The following FHIT variants were observed in gnomAD, a reference collection of about 807,000 sequenced individuals.
The protein encoded by FHIT is bis(5'-adenosyl)-triphosphatase.
Under a neutral mutation model 17.9 loss-of-function variants are expected in FHIT, and 19 were observed. The observed-to-expected ratio is 1.06, with a 90% CI of 0.74 to 1.56. The LOEUF is 1.56. FHIT is among the 40% of genes most tolerant of loss of function. The pLI, the probability that FHIT is intolerant of heterozygous loss-of-function variation, is 0.00. For synonymous variants in FHIT, 81 were observed against 69.7 expected, an observed-to-expected ratio of 1.16 and a Z score of -0.81; for missense variants, 248 against 189.2, an observed-to-expected ratio of 1.31 and a Z score of -1.82.
chr3:61,147,329 A>T (rs1169643731), intron 2 of FHIT, among the ~76,000 whole-genome samples: 1 of 152,056 alleles, frequency 6.6e-6, no homozygotes, highest in African/African-American at 2.4e-5. Context: ...TACATTAGGC[A>T]ACTCACACTG....
At chr3:61,067,050 C>T (rs987774588) in intron 2 of FHIT, among the ~76,000 whole-genome samples, 8 of 152,112 alleles carry the variant, frequency 5.3e-5, no homozygotes, top group Non-Finnish European at 8.8e-5. Context: ...TTGAGTAAGG[C>T]CTAAACCAGA....
At chr3:59,997,566 C>A (rs1289065584) in intron 7 of FHIT, among the ~76,000 whole-genome samples, 1 of 152,104 alleles carries the variant, frequency 6.6e-6, no homozygotes, top group Non-Finnish European at 1.5e-5. Context: ...TGGGTTAGTA[C>A]AAGATGATTG....
rs566423096 is a variant in FHIT at position 60,267,888 on chromosome 3, A to C, written c.104-253736T>G. Among the ~76,000 whole-genome samples the C allele has an allele frequency of 2.6e-5, 4 of 152,308 alleles. No individual in the cohort carries two copies. The South Asian group carries it at 6.2e-4, about 24-fold the overall frequency. On this transcript the variant is annotated intron_variant, in intron 5 of 9. Coordinates refer to ENST00000492590, the MANE Select transcript of FHIT (RefSeq NM_002012.4). ...AAAACTTGGACTTGATAGTCTAAGAAGCTATTATGTGCACACATATTTGAA... is the reference window on the plus strand; with the variant it reads ...AAAACTTGGACTTGATAGTCTAAGACGCTATTATGTGCACACATATTTGAA...
chr3:60,003,471 G>A (rs1189483356), intron 7 of FHIT, among the ~76,000 whole-genome samples: 1 of 152,178 alleles, frequency 6.6e-6, no homozygotes, highest in African/African-American at 2.4e-5. Flanking sequence ...AGGATGTGGT[G>A]TAGTCTAAAA....
chr3:60,494,027 A>G (rs1369253939), intron 5 of FHIT, among the ~76,000 whole-genome samples: 1 of 152,214 alleles, frequency 6.6e-6, no homozygotes, highest in African/African-American at 2.4e-5. Flanking sequence ...AATAAATGAC[A>G]TATACTCAAA....
intron 4 of FHIT, among the ~76,000 whole-genome samples, chr3:60,599,881 T>C (rs1223251174): frequency 6.6e-6 from 1 of 152,084 alleles, no homozygotes; most frequent in Admixed American, 6.6e-5. Flanking sequence ...TTAGACCACA[T>C]AATTCTTTGC....
At chr3:60,927,953 T>G (rs1553770500) in intron 3 of FHIT, among the ~76,000 whole-genome samples, 1 of 152,202 alleles carries the variant, frequency 6.6e-6, no homozygotes, top group Admixed American at 6.5e-5. Flanking sequence ...CTCCATTTCG[T>G]TTTGTACTAA....
At chr3:60,733,675 T>C (rs2042078660) in intron 4 of FHIT, among the ~76,000 whole-genome samples, 1 of 152,220 alleles carries the variant, frequency 6.6e-6, no homozygotes, top group Non-Finnish European at 1.5e-5. Context: ...CAAACTGTTT[T>C]ACTCTTTTAG....
chr3:59,837,342 C>T (rs1408327828), intron 8 of FHIT, among the ~76,000 whole-genome samples: 6 of 152,094 alleles, frequency 3.9e-5, no homozygotes, highest in East Asian at 1.9e-4. Flanking sequence ...CTTCACATAT[C>T]GTTCAAATCA....
At chr3:60,872,584 A>G (rs1406340067) in intron 3 of FHIT, among the ~76,000 whole-genome samples, 3 of 152,146 alleles carry the variant, frequency 2.0e-5, no homozygotes, top group Non-Finnish European at 2.9e-5. Context: ...TGAACAGAAA[A>G]TTATGCCTCA....
chr3:61,228,219 CTCT>C (rs1327676490), intron 1 of FHIT, among the ~76,000 whole-genome samples: 3 of 151,994 alleles, frequency 2.0e-5, no homozygotes, highest in Non-Finnish European at 4.4e-5. Context: ...TTTTCTGACC[CTCT>C]TCTTTTTCTT....
rs1213346405 is a variant in FHIT, at chr3:60,022,754, G to C, written c.104-8602C>G. Among the ~76,000 whole-genome samples the C allele has an allele frequency of 3.9e-5, 6 of 152,244 alleles. No individual in the cohort carries two copies. In the East Asian group the frequency reaches 9.7e-4, roughly 24 times the overall value. On this transcript the variant is annotated intron_variant, in intron 5 of 9. Transcript: ENST00000492590. ...AATTTATTAGTTTTGGCTGCCACCA[G>C]GGAGGAAAAAAATATTAGCGTGTAT... is the stretch of plus-strand genomic sequence containing the variant.
At chr3:60,055,961 G>A (rs3843360) in intron 5 of FHIT, among the ~76,000 whole-genome samples, 1 of 151,948 alleles carries the variant, frequency 6.6e-6, no homozygotes, top group Non-Finnish European at 1.5e-5. Context: ...GTCCAGACAC[G>A]TGAAATACCA....
chr3:60,441,791 T>A lies in FHIT; in HGVS notation c.103+95069A>T, dbSNP rs867339632. ...ATATTTATATGTATAAAAATATATA[T>A]ATATATATATATATATATATATATC... is the stretch of plus-strand genomic sequence containing the variant. On this transcript the variant is annotated intron_variant, in intron 5 of 9. Transcript: ENST00000492590. 2.0e-4 allele frequency among the ~76,000 whole-genome samples: 23 copies of A among 116,830 alleles called. No homozygotes were observed. In the East Asian group the frequency reaches 2.7e-3, roughly 14 times the overall value. The allele number at this position is 116,830 out of a possible 152,430, so 76.6% of individuals were successfully genotyped here.
At chr3:59,939,243 C>G (rs1299858088) in intron 7 of FHIT, among the ~76,000 whole-genome samples, 1 of 152,074 alleles carries the variant, frequency 6.6e-6, no homozygotes, top group East Asian at 1.9e-4. Flanking sequence ...TTTATGCTGG[C>G]CAAACTTTTT....
chr3:60,110,608 G>C (rs893288835), intron 5 of FHIT, among the ~76,000 whole-genome samples: 4 of 152,064 alleles, frequency 2.6e-5, no homozygotes, highest in Non-Finnish European at 5.9e-5. Context: ...CATCACCTCC[G>C]AGCCTCAGTT....
At chr3:61,219,582 T>A (rs1252887894) in intron 1 of FHIT, among the ~76,000 whole-genome samples, 1 of 152,192 alleles carries the variant, frequency 6.6e-6, no homozygotes, top group Non-Finnish European at 1.5e-5. Context: ...ACTTTCCTCA[T>A]GCCTAATTCG....
intron 5 of FHIT, among the ~76,000 whole-genome samples, chr3:60,129,462 G>T (rs1699428953): frequency 6.6e-6 from 1 of 152,118 alleles, no homozygotes; most frequent in East Asian, 1.9e-4. Flanking sequence ...TGAATCTTTT[G>T]TACCTATCCA....
chr3:59,930,470 A>G (rs1459981865), intron 7 of FHIT, among the ~76,000 whole-genome samples: 1 of 152,148 alleles, frequency 6.6e-6, no homozygotes, highest in Non-Finnish European at 1.5e-5. Context: ...AGAGGTTCTT[A>G]AACTGCAAAT....
Sources: allele counts gnomAD v4.1 joint callset (sites outside exome capture counted in the v4.1 genomes callset), GRCh38; gene constraint gnomAD v4.1.1; transcripts MANE v1.5; gene names NCBI Gene and HGNC (gene_info 2026-07-23, HGNC 2026-07-21).